SLC44A3: variants seen among roughly 807,000 people sequenced by gnomAD.
The protein encoded by SLC44A3 is choline transporter-like protein 3.
Under a neutral mutation model 75.4 loss-of-function variants are expected in SLC44A3, and 74 were observed. The observed-to-expected ratio is 0.98, with a 90% CI of 0.81 to 1.19. SLC44A3 has a LOEUF of 1.19. SLC44A3 is among the 50% of genes most tolerant of loss of function. The pLI is 0.00. For synonymous variants in SLC44A3, 310 were observed against 296.9 expected, an observed-to-expected ratio of 1.04 and a Z score of -0.45; for missense variants, 700 against 778.6, an observed-to-expected ratio of 0.90 and a Z score of 1.20.
Position 94,894,993 on chromosome 1 carries a change from C to A in SLC44A3, c.*71C>A. ...GCCATTTACAGAATAGAAGATGAGA[C>A]CACTAGAGAAAAGTTAGTGAATTTT... is the stretch of plus-strand genomic sequence containing the variant. On this transcript the variant is annotated 3_prime_UTR_variant, in exon 15 of 15. Coordinates refer to ENST00000271227, the MANE Select transcript of SLC44A3 (RefSeq NM_001114106.3). 2 of 1,197,900 alleles carry A rather than the reference C, an allele frequency of 1.7e-6. No homozygotes were observed. Among genetic ancestry groups the A allele is most frequent in the Non-Finnish European group, 1.2e-6 (1 of 850,014 alleles). The allele number at this position is 1,197,900 out of a possible 1,614,324, so 74.2% of individuals were successfully genotyped here.
Position 94,892,494 on chromosome 1 carries a change from T to C in SLC44A3, c.1834T>C (p.Tyr612His), listed in dbSNP as rs781304905. The change falls in exon 14 of 15, where the codon TAC becomes CAC. Residue 612 changes from tyrosine to histidine, a missense_variant. Tyr to His is a moderately conservative substitution (Grantham distance 83). Coordinates refer to ENST00000271227, the MANE Select transcript of SLC44A3 (RefSeq NM_001114106.3). The stretch of plus-strand genomic sequence containing the variant: ...AAATGATGGATCGTCAGAAAAGCCC[T>C]ACTTTATGGATCAAGAATTTCTGGT... ...ETNDGSSEKP[Y>H]FMDQEFLSFV... The C allele has an allele frequency of 5.0e-6, 8 of 1,613,966 alleles. No homozygotes were observed. In the South Asian group the frequency reaches 8.8e-5, roughly 18 times the overall value.
intron 9 of SLC44A3, 25 bp downstream of exon 9, chr1:94,845,489 C>T (rs1664292086): frequency 6.3e-7 from 1 of 1,592,840 alleles, no homozygotes; most frequent in Non-Finnish European, 8.5e-7. Flanking sequence ...GTGTGGGTTC[C>T]ATCACCTTGG....
At chr1:94,878,163 G>A (rs113145182) in intron 12 of SLC44A3, among the ~76,000 whole-genome samples, 1 of 151,976 alleles carries the variant, frequency 6.6e-6, no homozygotes, top group Non-Finnish European at 1.5e-5. Context: ...GAACCCCAGG[G>A]GGCGGAGCCT....
chr1:94,847,595 G>C (rs1431511003), intron 9 of SLC44A3, among the ~76,000 whole-genome samples: 1 of 152,232 alleles, frequency 6.6e-6, no homozygotes. Flanking sequence ...CCTTCCTCTA[G>C]CGAGCTTGAA....
intron 3 of SLC44A3, among the ~76,000 whole-genome samples, chr1:94,825,424 G>A (rs1359240928): frequency 3.3e-5 from 5 of 152,198 alleles, no homozygotes; most frequent in African/African-American, 7.2e-5. Context: ...TCTGCCTCCC[G>A]GGTTCAAGAG....
Position 94,867,505 on chromosome 1 carries a change from C to T in SLC44A3, c.1482+88C>T, listed in dbSNP as rs1667302068. 6.6e-6 allele frequency: 7 copies of T among 1,062,592 alleles called. No homozygotes were observed. In the South Asian group the frequency reaches 1.3e-4, roughly 19 times the overall value. 65.8% of individuals were successfully genotyped at this position (1,062,592 alleles called of 1,614,324 possible). A position where few individuals can be genotyped will look rare whatever the true frequency, so the allele number is the denominator to read the frequency against. On this transcript the variant is annotated intron_variant, in intron 12 of 14. Coordinates refer to ENST00000271227, the MANE Select transcript of SLC44A3 (RefSeq NM_001114106.3). The stretch of plus-strand genomic sequence containing the variant: ...AGGTCAAGGTTTGGCAAATTCTTCT[C>T]TAAGGGGCTAAATTGTGTAAACATT...
intron 2 of SLC44A3, 69 bp from the exon 3 acceptor site, chr1:94,824,424 C>T: frequency 1.3e-6 from 2 of 1,495,916 alleles, no homozygotes; most frequent in Non-Finnish European, 1.8e-6. Flanking sequence ...ATATCAGCAT[C>T]TGCAGGGGTG....
In SLC44A3 at chr1:94,840,052, A is replaced by G. The variant is rs1436459472; in HGVS notation, c.760+15A>G. The stretch of plus-strand genomic sequence containing the variant: ...GGGATTGTTGTGTAAGTATTTCTCT[A>G]CTTGACTGATTTCTTTTCGATTAAA... On this transcript the variant is annotated intron_variant, in intron 7 of 14. Coordinates refer to ENST00000271227, the MANE Select transcript of SLC44A3 (RefSeq NM_001114106.3). 2.5e-6 allele frequency: 4 copies of G among 1,594,154 alleles called. No homozygotes were observed. The highest frequency in any genetic ancestry group is 2.2e-5 in the East Asian group (1 of 44,790).
chr1:94,891,333 T>C, intron 13 of SLC44A3, 66 bp downstream of exon 13: 1 of 1,502,962 alleles, frequency 6.7e-7, no homozygotes. Flanking sequence ...ACAATTGGTT[T>C]GAAAGGGAAC....
At chr1:94,864,663 C>A in intron 10 of SLC44A3, 80 bp from the exon 11 acceptor site, 1 of 1,465,446 alleles carries the variant, frequency 6.8e-7, no homozygotes, top group Non-Finnish European at 9.2e-7. Flanking sequence ...GTTGTTAGTA[C>A]CACAGATGAT....
At chr1:94,850,764 G>A (rs565576907) in intron 9 of SLC44A3, among the ~76,000 whole-genome samples, 3 of 152,320 alleles carry the variant, frequency 2.0e-5, no homozygotes, top group South Asian at 4.1e-4. Flanking sequence ...TATTTTTTAT[G>A]TTAGGAATTA....
intron 12 of SLC44A3, among the ~76,000 whole-genome samples, chr1:94,881,628 C>T (rs983364401): frequency 1.0e-4 from 15 of 150,752 alleles, no homozygotes; most frequent in Non-Finnish European, 1.6e-4. Context: ...GGCGTGAACC[C>T]GGGAGGCGAA....
chr1:94,893,853 G>T (rs915167763), intron 14 of SLC44A3, among the ~76,000 whole-genome samples: 1 of 151,728 alleles, frequency 6.6e-6, no homozygotes, highest in Non-Finnish European at 1.5e-5. Flanking sequence ...CCAGCACTTT[G>T]GGAAGCCAAG....
chr1:94,892,635 G>C, intron 14 of SLC44A3, 118 bp downstream of exon 14: 1 of 979,618 alleles, frequency 1.0e-6, no homozygotes, highest in Non-Finnish European at 1.5e-6. Flanking sequence ...GGGCTCTGAG[G>C]CTTCTACTAC....
intron 5 of SLC44A3, among the ~76,000 whole-genome samples, chr1:94,836,419 T>C (rs535803510): frequency 6.6e-6 from 1 of 152,204 alleles, no homozygotes; most frequent in South Asian, 2.1e-4. Flanking sequence ...ACATTTACTA[T>C]CCATTTATTG....
chr1:94,850,992 T>A (rs1273379543), intron 9 of SLC44A3, among the ~76,000 whole-genome samples: 1 of 152,106 alleles, frequency 6.6e-6, no homozygotes, highest in Non-Finnish European at 1.5e-5. Context: ...TTGAAACAGC[T>A]CCTGCATTTC....
chr1:94,891,983 A>C (rs1571492553), intron 13 of SLC44A3, among the ~76,000 whole-genome samples: 1 of 152,230 alleles, frequency 6.6e-6, no homozygotes, highest in East Asian at 1.9e-4. Context: ...TTTTGGTGTT[A>C]AGTGAAAAAG....
At chr1:94,867,518 T>C in intron 12 of SLC44A3, 101 bp downstream of exon 12, 6 of 807,250 alleles carry the variant, frequency 7.4e-6, no homozygotes, top group South Asian at 5.4e-5. Flanking sequence ...AGGGGCTAAA[T>C]TGTGTAAACA....
chr1:94,894,036 A>G (rs1475513230), intron 14 of SLC44A3, among the ~76,000 whole-genome samples: 1 of 152,068 alleles, frequency 6.6e-6, no homozygotes, highest in African/African-American at 2.4e-5. Flanking sequence ...TGGAGGTTGC[A>G]GTGAGCTGAG....
Sources: gnomAD v4.1 joint callset for allele counts (sites outside exome capture counted in the v4.1 genomes callset) on GRCh38, gnomAD v4.1.1 for gene constraint, MANE v1.5 for transcripts, NCBI Gene and HGNC (gene_info 2026-07-23, HGNC 2026-07-21) for gene names.